Variants in TAFA2 observed in about 807,000 individuals in gnomAD.
The protein encoded by TAFA2 is TAFA chemokine like family member 2.
In TAFA2, 7 loss-of-function variants were observed where a neutral mutation model predicts 18.8. The observed-to-expected ratio is 0.37, with a 90% CI of 0.21 to 0.70. The LOEUF is 0.70. Ranked by LOEUF, TAFA2 falls within the 30% of genes least tolerant of loss-of-function variation. The pLI is 0.53. For missense variants in TAFA2, 122 were observed against 158.1 expected (o/e 0.77, Z 1.23); for synonymous variants, 60 against 54.2 (o/e 1.11, Z -0.47).
At chr12:61,977,886 T>C (rs1253713966) in intron 1 of TAFA2, among the ~76,000 whole-genome samples, 3 of 147,154 alleles carry the variant, frequency 2.0e-5, no homozygotes, top group South Asian at 4.5e-4. Context: ...TATCCTTTGA[T>C]TGTGAAGGGG....
chr12:61,736,590 T>A (rs570742963), intron 4 of TAFA2, among the ~76,000 whole-genome samples: 1 of 152,182 alleles, frequency 6.6e-6, no homozygotes, highest in East Asian at 1.9e-4. Context: ...ATTAGCTAAT[T>A]GTTACTTACA....
At chr12:61,781,804 A>G (rs1471189883) in intron 2 of TAFA2, among the ~76,000 whole-genome samples, 1 of 151,812 alleles carries the variant, frequency 6.6e-6, no homozygotes, top group Admixed American at 6.6e-5. Context: ...ACACATAACC[A>G]ACAAAATAAC....
chr12:61,997,150 C>T (rs890655086), intron 1 of TAFA2, among the ~76,000 whole-genome samples: 1 of 135,996 alleles, frequency 7.4e-6, no homozygotes. Flanking sequence ...TAGATACATA[C>T]TAGACTATAT....
At chr12:62,068,432 C>T (rs1882547204) in intron 1 of TAFA2, among the ~76,000 whole-genome samples, 1 of 152,072 alleles carries the variant, frequency 6.6e-6, no homozygotes, top group African/African-American at 2.4e-5. Context: ...TATTCATTCT[C>T]TTTTTATAAC....
At chr12:61,817,864 C>T (rs1272655355) in intron 2 of TAFA2, among the ~76,000 whole-genome samples, 1 of 151,366 alleles carries the variant, frequency 6.6e-6, no homozygotes, top group Non-Finnish European at 1.5e-5. Flanking sequence ...CATTTTTTTT[C>T]CCCAAGTGCT....
intron 1 of TAFA2, among the ~76,000 whole-genome samples, chr12:62,243,898 C>G (rs1434200814): frequency 2.0e-5 from 3 of 152,158 alleles, no homozygotes; most frequent in African/African-American, 7.2e-5. Flanking sequence ...CTGCCTTAGC[C>G]TCTCAAGTAA....
At chr12:61,877,903 T>TA (rs1565666223) in intron 1 of TAFA2, among the ~76,000 whole-genome samples, 18 of 144,078 alleles carry the variant, frequency 1.2e-4, no homozygotes, top group African/African-American at 3.8e-4. Context: ...ATTGTGATTT[T>TA]TATATATATA....
intron 1 of TAFA2, among the ~76,000 whole-genome samples, chr12:62,130,334 A>T (rs1870631441): frequency 1.3e-5 from 2 of 151,990 alleles, no homozygotes; most frequent in Non-Finnish European, 2.9e-5. Context: ...CATATGAAGG[A>T]ACAAATTTTG....
In TAFA2 at chr12:62,138,252, C is replaced by A. The variant is rs544879468; in HGVS notation, c.-2+53007G>T. ...TGAGCTATGATTGTACCACTGCACT[C>A]CTGCCTAGGCAACACAGTGGGACCC... On this transcript the variant is annotated intron_variant, in intron 1 of 4. Transcript: ENST00000416284. Among the ~76,000 whole-genome samples, 90 of 152,230 alleles carry A rather than the reference C, an allele frequency of 5.9e-4. 3 individuals are homozygous for A. The South Asian group carries it at 0.018, about 31-fold the overall frequency.
At chr12:62,062,656 T>C (rs1454486289) in intron 1 of TAFA2, among the ~76,000 whole-genome samples, 1 of 152,210 alleles carries the variant, frequency 6.6e-6, no homozygotes, top group East Asian at 1.9e-4. Context: ...CATAAACTTA[T>C]TATCTTCCAT....
chr12:62,028,591 A>G (rs1764073070), intron 1 of TAFA2, among the ~76,000 whole-genome samples: 1 of 152,180 alleles, frequency 6.6e-6, no homozygotes, highest in South Asian at 2.1e-4. Context: ...ACCAGAATCC[A>G]TCTTAGCTTA....
chr12:61,812,982 A>C (rs1375489994), intron 2 of TAFA2, among the ~76,000 whole-genome samples: 1 of 151,542 alleles, frequency 6.6e-6, no homozygotes, highest in East Asian at 1.9e-4. Flanking sequence ...TTTCCCTTGA[A>C]AATATAAACA....
intron 1 of TAFA2, among the ~76,000 whole-genome samples, chr12:61,967,990 T>G (rs544038118): frequency 6.6e-6 from 1 of 151,780 alleles, no homozygotes; most frequent in African/African-American, 2.4e-5. Flanking sequence ...GCTAATGAGG[T>G]CTTCTTTTTG....
At chr12:61,739,287 C>A (rs1050856758) in intron 4 of TAFA2, among the ~76,000 whole-genome samples, 1 of 151,948 alleles carries the variant, frequency 6.6e-6, no homozygotes, top group Non-Finnish European at 1.5e-5. Context: ...GTTGAGGTAA[C>A]ATTGCACAGT....
intron 1 of TAFA2, among the ~76,000 whole-genome samples, chr12:62,132,587 C>A (rs1007890026): frequency 6.6e-6 from 1 of 151,684 alleles, no homozygotes. Context: ...AATAAAACAA[C>A]GTAGAAATAA....
intron 1 of TAFA2, among the ~76,000 whole-genome samples, chr12:61,997,167 A>ATGTGTGTATG (rs1880219923): frequency 6.9e-6 from 1 of 145,558 alleles, no homozygotes; most frequent in Non-Finnish European, 1.5e-5. Flanking sequence ...ATATGTATAT[A>ATGTGTGTATG]TGTGTGTGTG....
chr12:61,754,826 C>A, intron 3 of TAFA2, 46 bp downstream of exon 3: 2 of 1,598,774 alleles, frequency 1.3e-6, no homozygotes, highest in Non-Finnish European at 1.7e-6. Context: ...TAGTTCTAAG[C>A]CATCCTTGGC....
chr12:61,787,547 G>C (rs1870789803), intron 2 of TAFA2, among the ~76,000 whole-genome samples: 1 of 151,558 alleles, frequency 6.6e-6, no homozygotes. Context: ...GTAAATTAAA[G>C]CAACAAAAAT....
chr12:61,724,749 CTATGTGTGTG>C (rs1311220891), intron 4 of TAFA2, among the ~76,000 whole-genome samples: 2 of 96,286 alleles, frequency 2.1e-5, no homozygotes, highest in South Asian at 7.7e-4. Flanking sequence ...CATGGTATGT[CTATGTGTGTG>C]TGTGTGTGTG....
Sources: allele counts gnomAD v4.1 joint callset (sites outside exome capture counted in the v4.1 genomes callset), GRCh38; gene constraint gnomAD v4.1.1; transcripts MANE v1.5; gene names NCBI Gene and HGNC (gene_info 2026-07-23, HGNC 2026-07-21).